ZMYND11: variants seen among roughly 807,000 people sequenced by gnomAD.
ZMYND11 encodes zinc finger MYND-type containing 11.
In ZMYND11, 9 loss-of-function variants were observed where a neutral mutation model predicts 84.9. That is an observed-to-expected ratio of 0.11 (90% CI 0.06 to 0.18). The LOEUF is 0.18. ZMYND11 is among the 10% of genes least tolerant of loss of function. The pLI, the probability that ZMYND11 is intolerant of heterozygous loss-of-function variation, is 1.00. For synonymous variants in ZMYND11, 250 were observed against 244.1 expected, an observed-to-expected ratio of 1.02 and a Z score of -0.23; for missense variants, 409 against 761.0, an observed-to-expected ratio of 0.54 and a Z score of 5.44.
intron 1 of ZMYND11, among the ~76,000 whole-genome samples, chr10:137,447 C>T (rs1040168550): frequency 6.6e-6 from 1 of 152,156 alleles, no homozygotes; most frequent in African/African-American, 2.4e-5. Context: ...ATAATTTAAT[C>T]TGTTTGTCCA....
intron 10 of ZMYND11, among the ~76,000 whole-genome samples, chr10:244,237 T>C (rs1176421448): frequency 6.6e-6 from 1 of 152,220 alleles, no homozygotes; most frequent in Non-Finnish European, 1.5e-5. Context: ...CAACTTATGC[T>C]CAAAAGGTTC....
At chr10:158,853 A>G (rs1379082649) in intron 1 of ZMYND11, among the ~76,000 whole-genome samples, 1 of 151,782 alleles carries the variant, frequency 6.6e-6, no homozygotes, top group South Asian at 2.1e-4. Flanking sequence ...CCATTTGTGT[A>G]TCTTTTTTGG....
intron 2 of ZMYND11, among the ~76,000 whole-genome samples, chr10:187,094 T>C (rs1938808230): frequency 2.0e-5 from 3 of 151,980 alleles, no homozygotes; most frequent in Non-Finnish European, 4.4e-5. Context: ...CCAAGCATGG[T>C]GGTGCGTGCC....
chr10:237,804 C>G, intron 6 of ZMYND11, 127 bp downstream of exon 6: 1 of 615,212 alleles, frequency 1.6e-6, no homozygotes, highest in Admixed American at 3.4e-5. Flanking sequence ...TTTCCACTTC[C>G]TAAAACAAAA....
At chr10:251,443 A>ATGTT (rs1357510641) in intron 14 of ZMYND11, among the ~76,000 whole-genome samples, 1 of 152,144 alleles carries the variant, frequency 6.6e-6, no homozygotes, top group African/African-American at 2.4e-5. Context: ...GGAAATTAGA[A>ATGTT]TGTTTAGGTA....
At chr10:233,755 G>A (rs966455023) in intron 4 of ZMYND11, among the ~76,000 whole-genome samples, 3 of 152,142 alleles carry the variant, frequency 2.0e-5, no homozygotes, top group Non-Finnish European at 2.9e-5. Flanking sequence ...AATTTAAACA[G>A]ACAAAATCAG....
chr10:144,476 C>T (rs564050998), intron 1 of ZMYND11, among the ~76,000 whole-genome samples: 6 of 152,090 alleles, frequency 3.9e-5, no homozygotes, highest in Admixed American at 6.6e-5. Flanking sequence ...CCCATCACGG[C>T]CTCCCAAAGT....
intron 3 of ZMYND11, among the ~76,000 whole-genome samples, chr10:210,871 T>A (rs1399273436): frequency 6.6e-6 from 1 of 152,122 alleles, no homozygotes; most frequent in Non-Finnish European, 1.5e-5. Flanking sequence ...GTTTCAAATG[T>A]AACAGATGTG....
chr10:254,088 T>G lies in ZMYND11; in HGVS notation c.*1618T>G, dbSNP rs1020174322. On this transcript the variant is annotated 3_prime_UTR_variant, in exon 15 of 15. Transcript: ENST00000381604. ...CGTTCCCTCCTTGTTGCTGTGTAAT[T>G]AGTCAGTGTTGCCACAGTGTGTGGC... 2 of 152,554 alleles carry G rather than the reference T, an allele frequency of 1.3e-5. No homozygotes were observed. The highest frequency in any genetic ancestry group is 4.8e-5 in the African/African-American group (2 of 41,470). 9.5% of individuals were successfully genotyped at this position (152,554 alleles called of 1,614,324 possible).
chr10:159,637 A>G (rs1554760953), intron 1 of ZMYND11, among the ~76,000 whole-genome samples: 2 of 152,106 alleles, frequency 1.3e-5, no homozygotes, highest in African/African-American at 4.8e-5. Context: ...TATTAGGGAT[A>G]TTAGCTCTGA....
Position 253,857 on chromosome 10 carries a change from C to G in ZMYND11, c.*1387C>G, listed in dbSNP as rs944173031. Reference sequence around the variant, plus strand: ...AGAAAAGCCTTTTAAAAAGTATTCTCCAGGTTTGTCAGGGTCACTCTAAAG... The same window carrying G: ...AGAAAAGCCTTTTAAAAAGTATTCTGCAGGTTTGTCAGGGTCACTCTAAAG... On this transcript the variant is annotated 3_prime_UTR_variant, in exon 15 of 15. Transcript: ENST00000381604. 2.6e-5 allele frequency: 4 copies of G among 152,580 alleles called. No individual in the cohort carries two copies. Among genetic ancestry groups the G allele is most frequent in the Non-Finnish European group, 5.9e-5 (4 of 68,022 alleles). 9.5% of individuals were successfully genotyped at this position (152,580 alleles called of 1,614,324 possible). A position where few individuals can be genotyped will look rare whatever the true frequency, so the allele number is the denominator to read the frequency against.
chr10:250,680 TTAAAAACC>T (rs1321625362), intron 14 of ZMYND11, among the ~76,000 whole-genome samples: 49 of 152,328 alleles, frequency 3.2e-4, no homozygotes, highest in East Asian at 7.7e-4. Flanking sequence ...AATAGAATGA[TTAAAAACC>T]TAGTTGGCAG....
intron 5 of ZMYND11, 77 bp downstream of exon 5, chr10:236,992 A>T: frequency 7.3e-7 from 1 of 1,373,058 alleles, no homozygotes; most frequent in Non-Finnish European, 1.0e-6. Flanking sequence ...AAGTTGAATG[A>T]TCGAGAAGTA....
At chr10:246,115 AGTTG>A (rs1207281027) in intron 10 of ZMYND11, among the ~76,000 whole-genome samples, 32 of 152,226 alleles carry the variant, frequency 2.1e-4, no homozygotes, top group Non-Finnish European at 4.4e-4. Context: ...AAGCAAATGT[AGTTG>A]TCCTGCTCTA....
intron 1 of ZMYND11, among the ~76,000 whole-genome samples, chr10:138,112 T>C (rs1836573078): frequency 6.8e-6 from 1 of 146,026 alleles, no homozygotes; most frequent in Admixed American, 6.9e-5. Flanking sequence ...CTGTTGGCGT[T>C]TTTTTTTTTT....
intron 3 of ZMYND11, among the ~76,000 whole-genome samples, chr10:217,845 G>A (rs754866333): frequency 1.1e-4 from 16 of 152,126 alleles, no homozygotes; most frequent in Non-Finnish European, 1.9e-4. Context: ...ATACAGCTGC[G>A]AATGCCAGGG....
intron 14 of ZMYND11, among the ~76,000 whole-genome samples, chr10:250,078 CT>C (rs1357849147): frequency 6.6e-6 from 1 of 152,192 alleles, no homozygotes; most frequent in Non-Finnish European, 1.5e-5. Flanking sequence ...TTCCGAATAA[CT>C]TTTCCATGTT....
Position 247,824 on chromosome 10 carries a change from A to G in ZMYND11, c.1227+358A>G, listed in dbSNP as rs571905837. 2.0e-3 allele frequency among the ~76,000 whole-genome samples: 311 copies of G among 152,348 alleles called. 1 individual carries two copies. The highest frequency in any genetic ancestry group is 7.2e-3 in the African/African-American group (299 of 41,582). On this transcript the variant is annotated intron_variant, in intron 12 of 14. Coordinates refer to ENST00000381604, the MANE Select transcript of ZMYND11 (RefSeq NM_001370100.5). ...ATTTATCCAGTATATCAGTTGTGCC[A>G]ACATTTAAAAACTTGAAGGAGACTG...
At chr10:247,614 A>C in intron 12 of ZMYND11, 148 bp downstream of exon 12, 3 of 821,094 alleles carry the variant, frequency 3.7e-6, no homozygotes, top group Non-Finnish European at 5.9e-6. Flanking sequence ...ATATCCATCA[A>C]GTTGAAACCA....
Sources: allele counts gnomAD v4.1 joint callset (sites outside exome capture counted in the v4.1 genomes callset), GRCh38; gene constraint gnomAD v4.1.1; transcripts MANE v1.5; gene names NCBI Gene and HGNC (gene_info 2026-07-23, HGNC 2026-07-21).